The following MYO18A variants were observed in gnomAD, a reference collection of about 807,000 sequenced individuals.
The protein encoded by MYO18A is unconventional myosin-XVIIIa.
A neutral mutation model predicts 235.8 loss-of-function variants in MYO18A; 78 were observed. That is an observed-to-expected ratio of 0.33 (90% CI 0.28 to 0.40). MYO18A has a LOEUF of 0.40. MYO18A is among the 10% of genes least tolerant of loss of function. MYO18A has a pLI of 1.00. For missense variants in MYO18A, 2,215 were observed against 2,699.3 expected (o/e 0.82, Z 3.98); for synonymous variants, 977 against 1,077.8 (o/e 0.91, Z 1.83).
chr17:29,150,139 C>T lies in MYO18A; in HGVS notation c.999+15803G>A, dbSNP rs78150107. On this transcript the variant is annotated intron_variant, in intron 2 of 41. Transcript: ENST00000527372. ...TCTTCTAGACAAGCCTCAGGTTCCT[C>T]GTAACACTGGACATCCAATAAATAT... Among the ~76,000 whole-genome samples the T allele has an allele frequency of 6.3e-3, 962 of 152,332 alleles. 12 individuals are homozygous for T. The highest frequency in any genetic ancestry group is 0.022 in the African/African-American group (922 of 41,572).
chr17:29,166,874 C>G lies in MYO18A; in HGVS notation c.67G>C (p.Glu23Gln), dbSNP rs1351755016. The G allele has an allele frequency of 3.9e-6, 6 of 1,553,072 alleles. No individual in the cohort carries two copies. The highest frequency in any genetic ancestry group is 3.5e-6 in the Non-Finnish European group (4 of 1,147,680). Residue 23 changes from glutamate (E) to glutamine (Q), a missense_variant, in exon 2 of 42, where the codon GAG becomes CAG. Glu to Gln is a conservative substitution (Grantham distance 29). Transcript: ENST00000527372. ...GGRKEKKEKK[E>Q]KKERMSAAEL... ...GCCGCTGACATCCGCTCCTTTTTCT[C>G]CTTTTTCTCCTTCTTCTCCTTCCGC...
At chr17:29,171,884 C>T (rs113476531) in intron 1 of MYO18A, among the ~76,000 whole-genome samples, 2,140 of 150,420 alleles carry the variant, frequency 0.014, 53 homozygotes, top group African/African-American at 0.049. Flanking sequence ...CAGAGTAAGA[C>T]CCTGTCTCAA....
intron 41 of MYO18A, chr17:29,081,041 G>A: frequency 5.2e-6 from 5 of 967,608 alleles, no homozygotes; most frequent in South Asian, 4.8e-5. Context: ...AGAACCAGAC[G>A]TGGATGAGGG....
rs771822505 is a variant in MYO18A at position 29,114,942 on chromosome 17, G to A, written c.2476C>T (p.Arg826Cys). ...CTTTCCAACTCCTGCACGAAGGTGC[G>A]CTCGTGGAAGAGCCTCTGCAGCCGG... ...QDRLQRLFHERTFVQELERYK... is the reference protein window; with the variant it reads ...QDRLQRLFHECTFVQELERYK... The change falls in exon 14 of 42, where the codon CGC becomes TGC. Residue 826 changes from arginine to cysteine, a missense_variant. Transcript: ENST00000527372. 120 of 1,613,856 alleles carry A rather than the reference G, an allele frequency of 7.4e-5. No individual in the cohort carries two copies. The highest frequency in any genetic ancestry group is 2.4e-4 in the East Asian group (11 of 44,900).
At chr17:29,076,737 T>C (rs964988134) in intron 41 of MYO18A, 1 of 152,188 alleles carries the variant, frequency 6.6e-6, no homozygotes, top group African/African-American at 2.4e-5. Flanking sequence ...GAATTCTAAA[T>C]TAGTGGGAGC....
At chr17:29,132,511 G>A (rs1266925194) in intron 2 of MYO18A, among the ~76,000 whole-genome samples, 1 of 152,142 alleles carries the variant, frequency 6.6e-6, no homozygotes, top group East Asian at 1.9e-4. Flanking sequence ...CACAATGTGG[G>A]TAGGAGCATG....
In MYO18A at chr17:29,098,216, C is replaced by T; in HGVS notation, c.3879G>A (p.Glu1293=). The T allele has an allele frequency of 6.2e-7, 1 of 1,614,002 alleles. No individual in the cohort carries two copies. Residue 1293 remains glutamate, a synonymous_variant, in exon 25 of 42, where the codon GAG becomes GAA. Coordinates refer to ENST00000527372, the MANE Select transcript of MYO18A (RefSeq NM_078471.4). The part of the protein sequence containing the change: ...NSDRLESRIS[E]LTSELTDERN... ...GCTCATCTGTCAGCTCCGATGTCAGCTCTGAGATCTGGGGTTGGGGGTAGG... is the reference window on the plus strand; with the variant it reads ...GCTCATCTGTCAGCTCCGATGTCAGTTCTGAGATCTGGGGTTGGGGGTAGG...
Position 29,121,999 on chromosome 17 carries a change from C to T in MYO18A, c.1088-42G>A. 1 of 1,597,974 alleles carries T rather than the reference C, an allele frequency of 6.3e-7. No individual in the cohort carries two copies. Among genetic ancestry groups the T allele is most frequent in the Non-Finnish European group, 8.6e-7 (1 of 1,165,958 alleles). On this transcript the variant is annotated intron_variant, in intron 3 of 41. Transcript: ENST00000527372. The surrounding 1 kb of genome is among the most constrained non-coding windows in gnomAD (Gnocchi z 4.2). ...GACAGCTGGGATGGGCCTGGGAAGCCTCTGCTACTCCACTTGGGAACTTCT... is the reference window on the plus strand; with the variant it reads ...GACAGCTGGGATGGGCCTGGGAAGCTTCTGCTACTCCACTTGGGAACTTCT...
chr17:29,147,587 C>T (rs993804235), intron 2 of MYO18A, among the ~76,000 whole-genome samples: 9 of 150,598 alleles, frequency 6.0e-5, no homozygotes, highest in African/African-American at 2.2e-4. Context: ...AGAAAGGAGG[C>T]TGGAAGGTGA....
chr17:29,123,864 C>G (rs982378338), intron 2 of MYO18A, among the ~76,000 whole-genome samples: 1 of 152,114 alleles, frequency 6.6e-6, no homozygotes, highest in African/African-American at 2.4e-5. Flanking sequence ...CTGGCTAACA[C>G]AGTGAAACCC....
chr17:29,074,737 T>G lies in MYO18A; in HGVS notation c.*33A>C. 2 of 1,612,112 alleles carry G rather than the reference T, an allele frequency of 1.2e-6. No homozygotes were observed. The highest frequency in any genetic ancestry group is 1.7e-6 in the Non-Finnish European group (2 of 1,178,406). On this transcript the variant is annotated 3_prime_UTR_variant, in exon 42 of 42. Transcript: ENST00000527372. This position sits in a 1 kb window ranked among gnomAD's most constrained non-coding sequence, Gnocchi z 4.4. ...GAGGTGCCCAGGCAGCCACAGGCCC[T>G]GGGGTGAGAGGGCTGCCAACCACTC...
At chr17:29,099,535 G>A (rs1301169140) in intron 22 of MYO18A, 99 bp downstream of exon 22, 1 of 1,455,746 alleles carries the variant, frequency 6.9e-7, no homozygotes, top group African/African-American at 1.4e-5. Context: ...TGGTGCCCTG[G>A]GAGGTTCCTG....
chr17:29,163,295 C>A (rs1261723078), intron 2 of MYO18A, among the ~76,000 whole-genome samples: 4 of 152,196 alleles, frequency 2.6e-5, no homozygotes, highest in Non-Finnish European at 5.9e-5. Flanking sequence ...CCACGCCACT[C>A]CCAGCCCTGT....
chr17:29,176,912 C>T (rs2068545773), intron 1 of MYO18A, among the ~76,000 whole-genome samples: 1 of 152,202 alleles, frequency 6.6e-6, no homozygotes, highest in South Asian at 2.1e-4. Context: ...CCCGCGGCGC[C>T]TCCCGCTGCG....
chr17:29,097,086 C>A, intron 27 of MYO18A, 137 bp downstream of exon 27: 1 of 1,430,452 alleles, frequency 7.0e-7, no homozygotes, highest in Non-Finnish European at 9.3e-7. Flanking sequence ...TGCCCCTGCA[C>A]CAAGAAGCTA....
rs1356429202 is a variant in MYO18A, at chr17:29,118,053, G to C, written c.2030C>G (p.Ala677Gly). 3 of 1,581,892 alleles carry C rather than the reference G, an allele frequency of 1.9e-6. No homozygotes were observed. In the South Asian group the frequency reaches 3.5e-5, roughly 18 times the overall value. ...AAIYHLGAAGATKEAAEAGRK... is the reference protein window; with the variant it reads ...AAIYHLGAAGGTKEAAEAGRK... ...GACCCACTGCAGGTTACCTTTGGTG[G>C]CTCCCGCAGCCCCCAGGTGGTAGAT... The change falls in exon 10 of 42, where the codon GCC becomes GGC. Residue 677 changes from alanine (A) to glycine (G), a missense_variant. Physicochemically the swap from Ala to Gly is moderately conservative, Grantham distance 60. Coordinates refer to ENST00000527372, the MANE Select transcript of MYO18A (RefSeq NM_078471.4). The surrounding 1 kb of genome is among the most constrained non-coding windows in gnomAD (Gnocchi z 4.2).
At chr17:29,085,718 G>A in intron 39 of MYO18A, 70 bp from the exon 40 acceptor site, 1 of 1,523,704 alleles carries the variant, frequency 6.6e-7, no homozygotes, top group Non-Finnish European at 9.1e-7. Flanking sequence ...GCAACCCAAG[G>A]TGGACCCCTT....
At chr17:29,159,655 G>A (rs7214252) in intron 2 of MYO18A, among the ~76,000 whole-genome samples, 32,688 of 152,026 alleles carry the variant, frequency 0.22, 3,500 homozygotes, top group East Asian at 0.3. Flanking sequence ...CTCCAAACCC[G>A]GCCTGGCAGA....
At chr17:29,148,872 C>T (rs546323062) in intron 2 of MYO18A, among the ~76,000 whole-genome samples, 2 of 152,318 alleles carry the variant, frequency 1.3e-5, no homozygotes, top group South Asian at 2.1e-4. Flanking sequence ...ACGGGTCAGG[C>T]TCTGTGAGGG....
Sources: gnomAD v4.1 joint callset for allele counts (sites outside exome capture counted in the v4.1 genomes callset) on GRCh38, gnomAD v4.1.1 for gene constraint, Gnocchi (gnomAD v3.1) non-coding constraint, MANE v1.5 for transcripts, NCBI Gene and HGNC (gene_info 2026-07-23, HGNC 2026-07-21) for gene names.